The following RANBP17 variants were observed in gnomAD, a reference collection of about 807,000 sequenced individuals.
The protein encoded by RANBP17 is ran-binding protein 17.
In RANBP17, 158 loss-of-function variants were observed where a neutral mutation model predicts 141.2. The ratio of observed to expected loss-of-function variants is 1.12; its 90% CI spans 0.98 to 1.28. The LOEUF is 1.28. RANBP17 is among the 50% of genes most tolerant of loss of function. The pLI, the probability that RANBP17 is intolerant of heterozygous loss-of-function variation, is 0.00. For missense variants in RANBP17, 1,438 were observed against 1,290.7 expected (o/e 1.11, Z -1.75); for synonymous variants, 430 against 450.0 (o/e 0.96, Z 0.56).
chr5:171,154,964 G>C (rs912038456), intron 14 of RANBP17, among the ~76,000 whole-genome samples: 2 of 151,294 alleles, frequency 1.3e-5, no homozygotes, highest in Non-Finnish European at 2.9e-5. Flanking sequence ...TGTAATCCCA[G>C]CTACTCGGGA....
Position 171,154,119 on chromosome 5 carries a change from T to TA in RANBP17, c.1711-16009dup, listed in dbSNP as rs1289601115. ...TTTAGTTTTTTTTTTTTTTTTTTTT[T>TA]AACCAAATTAAGGGGGTTGAGGACA... On this transcript the variant is annotated intron_variant, in intron 14 of 27. Transcript: ENST00000523189. Among the ~76,000 whole-genome samples the TA allele has an allele frequency of 8.1e-4, 107 of 131,474 alleles. 2 individuals carry two copies. Among genetic ancestry groups the TA allele is most frequent in the Admixed American group, 7.9e-3 (104 of 13,092 alleles). 86.3% of individuals were successfully genotyped at this position (131,474 alleles called of 152,430 possible). A position where few individuals can be genotyped will look rare whatever the true frequency, so the allele number is the denominator to read the frequency against.
chr5:170,873,132 A>G (rs1767890567), intron 1 of RANBP17, among the ~76,000 whole-genome samples: 1 of 152,126 alleles, frequency 6.6e-6, no homozygotes, highest in South Asian at 2.1e-4. Context: ...ACTGGTCTTG[A>G]ACTATTGACC....
chr5:171,269,661 C>T (rs543477527), intron 25 of RANBP17, among the ~76,000 whole-genome samples: 1 of 152,316 alleles, frequency 6.6e-6, no homozygotes, highest in Non-Finnish European at 1.5e-5. Context: ...TTTTCATTTT[C>T]ACACTCAGAT....
intron 14 of RANBP17, among the ~76,000 whole-genome samples, chr5:171,039,124 C>T (rs932227133): frequency 1.3e-5 from 2 of 152,084 alleles, no homozygotes; most frequent in East Asian, 3.9e-4. Context: ...AATGGTAGTT[C>T]TGATTTAAGT....
intron 3 of RANBP17, among the ~76,000 whole-genome samples, chr5:170,888,610 G>A (rs1769349544): frequency 6.6e-6 from 1 of 152,040 alleles, no homozygotes. Context: ...TTTTTTGTCA[G>A]TTCTTTCATA....
intron 14 of RANBP17, among the ~76,000 whole-genome samples, chr5:171,161,944 C>G (rs1759379867): frequency 6.6e-6 from 1 of 152,230 alleles, no homozygotes; most frequent in South Asian, 2.1e-4. Flanking sequence ...CTATCACCCT[C>G]TCACAAACTT....
intron 14 of RANBP17, among the ~76,000 whole-genome samples, chr5:171,107,068 A>G (rs1368385850): frequency 1.3e-5 from 2 of 152,006 alleles, no homozygotes; most frequent in Non-Finnish European, 2.9e-5. Flanking sequence ...CAACATGTTT[A>G]TGGTGTGTAG....
intron 14 of RANBP17, among the ~76,000 whole-genome samples, chr5:171,155,482 T>G (rs974661175): frequency 6.6e-6 from 1 of 152,122 alleles, no homozygotes; most frequent in Non-Finnish European, 1.5e-5. Flanking sequence ...TTATGAAATA[T>G]AGCAGAGTTC....
intron 3 of RANBP17, among the ~76,000 whole-genome samples, chr5:170,889,472 C>G (rs750974917): frequency 6.6e-6 from 1 of 151,988 alleles, no homozygotes; most frequent in Non-Finnish European, 1.5e-5. Flanking sequence ...AACAAAAAAT[C>G]GGAATGAACC....
At chr5:171,192,553 C>G (rs1252441857) in intron 18 of RANBP17, among the ~76,000 whole-genome samples, 2 of 152,154 alleles carry the variant, frequency 1.3e-5, no homozygotes, top group African/African-American at 4.8e-5. Flanking sequence ...CCTCAGTTTT[C>G]TCTTCTGTTA....
intron 25 of RANBP17, among the ~76,000 whole-genome samples, chr5:171,285,917 T>C (rs1335084327): frequency 6.6e-6 from 1 of 152,200 alleles, no homozygotes; most frequent in Non-Finnish European, 1.5e-5. Context: ...TCCTGAAGTT[T>C]CATTCTAACT....
rs201309762 is a variant in RANBP17 at position 171,265,675 on chromosome 5, G to A, written c.2777-6G>A. The A allele has an allele frequency of 6.0e-4, 969 of 1,606,010 alleles. 3 individuals carry two copies. Among genetic ancestry groups the A allele is most frequent in the Middle Eastern group, 4.9e-3 (27 of 5,524 alleles). On this transcript the variant is annotated splice_polypyrimidine_tract_variant and splice_region_variant and intron_variant, in intron 24 of 27. Transcript: ENST00000523189. ...GCAAATGAATTCTTATTTACTATTT[G>A]TACAGATACAGTTGTCTCCTCCAGC... is the stretch of plus-strand genomic sequence containing the variant.
chr5:170,863,897 G>A (rs780548207), intron 1 of RANBP17, among the ~76,000 whole-genome samples: 2 of 152,146 alleles, frequency 1.3e-5, no homozygotes, highest in African/African-American at 2.4e-5. Flanking sequence ...GCTTAAAAGC[G>A]GAGTTGGACA....
Position 171,242,744 on chromosome 5 carries a change from G to A in RANBP17, c.2700G>A (p.Met900Ile). 3 of 1,613,678 alleles carry A rather than the reference G, an allele frequency of 1.9e-6. No individual in the cohort carries two copies. Among genetic ancestry groups the A allele is most frequent in the Non-Finnish European group, 2.5e-6 (3 of 1,179,674 alleles). Residue 900 changes from methionine (M) to isoleucine (I), a missense_variant, in exon 24 of 28, where the codon ATG becomes ATA. Transcript: ENST00000523189. The part of the protein sequence containing the change: ...PLLECLTQDH[M>I]SFIINLEPPV... ...TGGAATGTCTCACTCAGGACCATATGAGCTTCATCATCAACTTAGAGCCTC... is the reference window on the plus strand; with the variant it reads ...TGGAATGTCTCACTCAGGACCATATAAGCTTCATCATCAACTTAGAGCCTC...
Position 171,045,233 on chromosome 5 carries a change from A to T in RANBP17, c.1710+76856A>T, listed in dbSNP as rs930874920. Among the ~76,000 whole-genome samples the T allele has an allele frequency of 2.6e-5, 4 of 152,104 alleles. No homozygotes were observed. The East Asian group carries it at 7.7e-4, about 29-fold the overall frequency. On this transcript the variant is annotated intron_variant, in intron 14 of 27. Coordinates refer to ENST00000523189, the MANE Select transcript of RANBP17 (RefSeq NM_022897.5). ...TAGTTTGCATGAAAATAAAGGTTTG[A>T]TACAAATTCACATGGAAATATATGT...
intron 24 of RANBP17, among the ~76,000 whole-genome samples, chr5:171,263,235 C>A (rs939893801): frequency 2.0e-5 from 3 of 152,220 alleles, no homozygotes; most frequent in Non-Finnish European, 4.4e-5. Flanking sequence ...CAACCCTACT[C>A]TTTTAGTCTC....
intron 22 of RANBP17, among the ~76,000 whole-genome samples, chr5:171,223,151 G>A (rs1342536325): frequency 6.6e-6 from 1 of 152,126 alleles, no homozygotes; most frequent in African/African-American, 2.4e-5. Flanking sequence ...TGTATACATT[G>A]TAGGCCTCCA....
chr5:171,096,863 G>A (rs1786732692), intron 14 of RANBP17, among the ~76,000 whole-genome samples: 1 of 152,076 alleles, frequency 6.6e-6, no homozygotes, highest in Non-Finnish European at 1.5e-5. Context: ...AGAAGGGGTG[G>A]AGGGATGTTT....
rs1198973510 is a variant in RANBP17, at chr5:171,275,415, T to C, written c.2943+9568T>C. Among the ~76,000 whole-genome samples, 5 of 152,192 alleles carry C rather than the reference T, an allele frequency of 3.3e-5. No homozygotes were observed. In the East Asian group the frequency reaches 9.6e-4, roughly 29 times the overall value. On this transcript the variant is annotated intron_variant, in intron 25 of 27. Transcript: ENST00000523189. ...TGCTGTTGCTGGAAATGGTACAGTG[T>C]GCTTCATACTTGAATAGATTCATTC...
Sources: gnomAD v4.1 joint callset for allele counts (sites outside exome capture counted in the v4.1 genomes callset) on GRCh38, gnomAD v4.1.1 for gene constraint, MANE v1.5 for transcripts, NCBI Gene and HGNC (gene_info 2026-07-23, HGNC 2026-07-21) for gene names.